The following CNTN6 variants were observed in gnomAD, a reference collection of about 807,000 sequenced individuals.
CNTN6 encodes contactin-6.
CNTN6 carries 137 observed loss-of-function variants against 122.8 expected under a neutral mutation model. The ratio of observed to expected loss-of-function variants is 1.12; its 90% CI spans 0.97 to 1.29. The LOEUF is 1.29. Among genes scored for constraint, CNTN6 ranks in the 50% most tolerant of loss-of-function variants. The pLI, the probability that CNTN6 is intolerant of heterozygous loss-of-function variation, is 0.00. For synonymous variants in CNTN6, 570 were observed against 426.0 expected (o/e 1.34, Z -4.16); for missense variants, 1,634 against 1,223.4 (o/e 1.34, Z -5.01).
At position 1,331,877 on chromosome 3, in the gene CNTN6, G is replaced by A. The variant is rs545108819; in HGVS notation, c.1364+1942G>A. Among the ~76,000 whole-genome samples, 24 of 151,786 alleles carry A rather than the reference G, an allele frequency of 1.6e-4. No individual in the cohort carries two copies. In the East Asian group the frequency reaches 4.1e-3, roughly 26 times the overall value. ...AAGATAATAAGAAAAAAAAGCAGGA[G>A]GGAAACTGCTTTTTAAAACAGCTCT... On this transcript the variant is annotated intron_variant, in intron 11 of 22. Transcript: ENST00000446702.
Position 1,369,743 on chromosome 3 carries a change from C to A in CNTN6, c.1493-2556C>A, listed in dbSNP as rs1339476140. ...CACATCCAGTTAGCCAACTTATCCT[C>A]CTATAAATGTAAATAAGACATTTGT... On this transcript the variant is annotated intron_variant, in intron 12 of 22. Transcript: ENST00000446702. 2.0e-5 allele frequency among the ~76,000 whole-genome samples: 3 copies of A among 151,984 alleles called. No homozygotes were observed. The East Asian group carries it at 5.8e-4, about 29-fold the overall frequency.
chr3:1,317,888 T>TAAAAAAAAAAAAAAAAACAAAAA (rs76953561), intron 7 of CNTN6, among the ~76,000 whole-genome samples: 1 of 130,750 alleles, frequency 7.6e-6, no homozygotes. Context: ...AAATGCAGGT[T>TAAAAAAAAAAAAAAAAACAAAAA]AAAAAAAAAA....
At chr3:1,097,586 T>A (rs1488315887) in intron 1 of CNTN6, among the ~76,000 whole-genome samples, 1 of 152,188 alleles carries the variant, frequency 6.6e-6, no homozygotes, top group Non-Finnish European at 1.5e-5. Flanking sequence ...CATTGTAGAT[T>A]TCCTTCCCTA....
intron 2 of CNTN6, among the ~76,000 whole-genome samples, chr3:1,171,617 C>CT (rs1267129873): frequency 1.1e-4 from 17 of 151,334 alleles, no homozygotes; most frequent in South Asian, 6.3e-4. Flanking sequence ...GCTCTATACT[C>CT]TTTTTTTTTA....
chr3:1,124,615 C>G (rs1253335230), intron 1 of CNTN6, among the ~76,000 whole-genome samples: 2 of 151,814 alleles, frequency 1.3e-5, no homozygotes, highest in African/African-American at 4.8e-5. Context: ...GATAGGTGCT[C>G]TAAAATCTCA....
At chr3:1,282,010 A>G (rs1308171179) in intron 5 of CNTN6, among the ~76,000 whole-genome samples, 8 of 149,676 alleles carry the variant, frequency 5.3e-5, no homozygotes, top group Non-Finnish European at 1.2e-4. Context: ...ACACACACAC[A>G]TAACTTTATA....
intron 20 of CNTN6, among the ~76,000 whole-genome samples, chr3:1,398,881 A>T (rs1695308087): frequency 6.6e-6 from 1 of 151,940 alleles, no homozygotes; most frequent in East Asian, 1.9e-4. Flanking sequence ...TCCGAATGCA[A>T]CTCTTCTCGT....
chr3:1,277,514 C>G (rs900280557), intron 4 of CNTN6, among the ~76,000 whole-genome samples: 3 of 151,720 alleles, frequency 2.0e-5, no homozygotes, highest in African/African-American at 7.3e-5. Flanking sequence ...GCGTGTGCCA[C>G]CATGCCTGGC....
intron 11 of CNTN6, among the ~76,000 whole-genome samples, chr3:1,344,190 G>T (rs576631361): frequency 1.3e-5 from 2 of 152,030 alleles, no homozygotes; most frequent in Non-Finnish European, 2.9e-5. Flanking sequence ...GTGGGGTTCC[G>T]CAGGAAACAG....
At chr3:1,165,867 G>A (rs546613259) in intron 2 of CNTN6, among the ~76,000 whole-genome samples, 2 of 152,146 alleles carry the variant, frequency 1.3e-5, no homozygotes, top group African/African-American at 2.4e-5. Context: ...GCCTTTCTTC[G>A]AGCACTCCCC....
In CNTN6 at chr3:1,252,859, C is replaced by T. The variant is rs537816191; in HGVS notation, c.358+24866C>T. Among the ~76,000 whole-genome samples the T allele has an allele frequency of 2.0e-5, 3 of 152,174 alleles. No homozygotes were observed. The South Asian group carries it at 6.2e-4, about 32-fold the overall frequency. On this transcript the variant is annotated intron_variant, in intron 4 of 22. Coordinates refer to ENST00000446702, the MANE Select transcript of CNTN6 (RefSeq NM_001289080.2). ...CATCTCCGAGAACCTTCAGGCTGGG[C>T]CACTGTAAATCCGGTTGGATTTGAC...
chr3:1,226,701 GT>G (rs1222912654), intron 3 of CNTN6, among the ~76,000 whole-genome samples: 4 of 151,834 alleles, frequency 2.6e-5, no homozygotes, highest in African/African-American at 7.3e-5. Flanking sequence ...AGGTTTTCCT[GT>G]TTTTTAGGAT....
At chr3:1,298,271 A>C (rs371595435) in intron 7 of CNTN6, 68 of 287,556 alleles carry the variant, frequency 2.4e-4, no homozygotes, top group African/African-American at 1.3e-3. Flanking sequence ...AGCACATTGC[A>C]AGGGAATAAG....
At chr3:1,274,192 A>C (rs890500677) in intron 4 of CNTN6, among the ~76,000 whole-genome samples, 3 of 152,168 alleles carry the variant, frequency 2.0e-5, no homozygotes, top group East Asian at 1.9e-4. Context: ...AAAGCTTATT[A>C]GGCTGATTTT....
intron 11 of CNTN6, among the ~76,000 whole-genome samples, chr3:1,351,918 AT>A (rs370399079): frequency 6.6e-6 from 1 of 152,032 alleles, no homozygotes; most frequent in African/African-American, 2.4e-5. Flanking sequence ...ACACAGACTA[AT>A]TGTGAAAATT....
chr3:1,245,226 ATATATATAT>A (rs2094549346), intron 4 of CNTN6, among the ~76,000 whole-genome samples: 3 of 15,648 alleles, frequency 1.9e-4, no homozygotes, highest in Admixed American at 5.9e-4. Context: ...ATATATATAT[ATATATATAT>A]ACACACACAC....
At chr3:1,194,972 C>T (rs2093755538) in intron 2 of CNTN6, among the ~76,000 whole-genome samples, 1 of 152,110 alleles carries the variant, frequency 6.6e-6, no homozygotes, top group Admixed American at 6.6e-5. Context: ...AAAAGACTCC[C>T]CTTCCAGCAT....
chr3:1,316,219 C>G (rs1178496251), intron 7 of CNTN6, among the ~76,000 whole-genome samples: 1 of 151,816 alleles, frequency 6.6e-6, no homozygotes, highest in Non-Finnish European at 1.5e-5. Context: ...TATTCTTGCA[C>G]TGCTATAAAG....
chr3:1,351,374 G>A (rs1705600591), intron 11 of CNTN6, among the ~76,000 whole-genome samples: 1 of 151,898 alleles, frequency 6.6e-6, no homozygotes, highest in African/African-American at 2.4e-5. Context: ...AAATTAGTAT[G>A]TTGTCACACA....
Sources: allele counts gnomAD v4.1 joint callset (sites outside exome capture counted in the v4.1 genomes callset), GRCh38; gene constraint gnomAD v4.1.1; transcripts MANE v1.5; gene names NCBI Gene and HGNC (gene_info 2026-07-23, HGNC 2026-07-21).